The following IQCM variants were observed in gnomAD, a reference collection of about 807,000 sequenced individuals.
The protein encoded by IQCM is IQ domain-containing protein M.
Under a neutral mutation model 57.6 loss-of-function variants are expected in IQCM, and 45 were observed. The observed-to-expected ratio is 0.78, with a 90% CI of 0.62 to 1.00. The LOEUF is 1.00. IQCM is among the 50% of genes least tolerant of loss of function. The pLI is 0.00. For synonymous variants in IQCM, 148 were observed against 158.9 expected (o/e 0.93, Z 0.51); for missense variants, 468 against 511.6 (o/e 0.91, Z 0.82).
chr4:149,728,966 A>G (rs747869816), intron 5 of IQCM, among the ~76,000 whole-genome samples: 1 of 152,218 alleles, frequency 6.6e-6, no homozygotes, highest in Non-Finnish European at 1.5e-5. Flanking sequence ...AGTACAGAAG[A>G]TATCTCCATC....
intron 5 of IQCM, among the ~76,000 whole-genome samples, chr4:149,715,326 T>G (rs1391756170): frequency 6.6e-6 from 1 of 152,184 alleles, no homozygotes; most frequent in Non-Finnish European, 1.5e-5. Context: ...TAATGCTGGC[T>G]GTGGAGGGGT....
At chr4:149,438,807 AG>A (rs557088576) in intron 12 of IQCM, among the ~76,000 whole-genome samples, 244 of 152,178 alleles carry the variant, frequency 1.6e-3, no homozygotes, top group Non-Finnish European at 2.5e-3. Context: ...TTCAAAACCA[AG>A]GGACAAAATG....
intron 13 of IQCM, among the ~76,000 whole-genome samples, chr4:149,423,689 T>A (rs1300378231): frequency 6.6e-6 from 1 of 152,020 alleles, no homozygotes; most frequent in Admixed American, 6.6e-5. Context: ...GTTAATTATT[T>A]ATATATATCT....
intron 2 of IQCM, among the ~76,000 whole-genome samples, chr4:149,806,078 GA>G (rs1774052431): frequency 6.6e-6 from 1 of 151,528 alleles, no homozygotes; most frequent in East Asian, 1.9e-4. Flanking sequence ...TCTGCCAAAT[GA>G]AATAGAAACT....
chr4:149,644,080 C>G (rs1020214405), intron 7 of IQCM, among the ~76,000 whole-genome samples: 3 of 152,178 alleles, frequency 2.0e-5, no homozygotes, highest in Non-Finnish European at 4.4e-5. Context: ...TTAAGGCAAA[C>G]TGGGCCAGTT....
intron 10 of IQCM, 127 bp from the exon 11 acceptor site, chr4:149,553,414 T>A: frequency 1.4e-6 from 1 of 711,578 alleles, no homozygotes; most frequent in Admixed American, 4.3e-5. Flanking sequence ...ATTGCCTAGG[T>A]TGGCTAAATA....
intron 7 of IQCM, among the ~76,000 whole-genome samples, chr4:149,624,248 G>T (rs574512510): frequency 2.0e-5 from 3 of 152,006 alleles, no homozygotes; most frequent in Non-Finnish European, 4.4e-5. Flanking sequence ...CCATAAGAGT[G>T]AAAGGTCCCA....
chr4:149,803,106 A>G (rs2135194), intron 2 of IQCM, among the ~76,000 whole-genome samples: 75,998 of 151,710 alleles, frequency 0.5, 23,030 homozygotes, highest in African/African-American at 0.83. Flanking sequence ...ACTGAGGTTT[A>G]TACCCAAGCC....
chr4:149,512,703 T>A (rs1462908153), intron 12 of IQCM, among the ~76,000 whole-genome samples: 1 of 152,160 alleles, frequency 6.6e-6, no homozygotes, highest in Non-Finnish European at 1.5e-5. Flanking sequence ...TCTAAAATAT[T>A]GAGTAATTCC....
chr4:149,609,345 A>AT (rs1554007002), intron 8 of IQCM, among the ~76,000 whole-genome samples: 1 of 151,848 alleles, frequency 6.6e-6, no homozygotes, highest in Non-Finnish European at 1.5e-5. Context: ...TACTCAAACT[A>AT]TTTTTTTAAA....
chr4:149,619,656 A>G (rs1256310645), intron 8 of IQCM, among the ~76,000 whole-genome samples: 2 of 152,222 alleles, frequency 1.3e-5, no homozygotes, highest in African/African-American at 4.8e-5. Context: ...TTCAACAGGT[A>G]GATAAAAGAA....
chr4:149,702,626 TA>T (rs1268314851), intron 5 of IQCM, among the ~76,000 whole-genome samples: 2 of 151,900 alleles, frequency 1.3e-5, no homozygotes, highest in African/African-American at 2.4e-5. Flanking sequence ...GACCCACTGG[TA>T]AGCATGAAAG....
intron 12 of IQCM, among the ~76,000 whole-genome samples, chr4:149,518,736 A>T (rs1421241825): frequency 6.6e-6 from 1 of 152,212 alleles, no homozygotes; most frequent in African/African-American, 2.4e-5. Context: ...GACTCACAGA[A>T]TATTGTAAAG....
At chr4:149,372,340 A>T (rs1057092404) in intron 13 of IQCM, among the ~76,000 whole-genome samples, 1 of 152,180 alleles carries the variant, frequency 6.6e-6, no homozygotes, top group Non-Finnish European at 1.5e-5. Flanking sequence ...AGTTTTATGA[A>T]CAAAAATAAG....
At chr4:149,474,574 A>C (rs1739971262) in intron 12 of IQCM, among the ~76,000 whole-genome samples, 2 of 145,216 alleles carry the variant, frequency 1.4e-5, no homozygotes, top group South Asian at 4.3e-4. Flanking sequence ...AAAAAAGGCC[A>C]GGTGTGGTAG....
At chr4:149,496,071 G>A (rs1461344371) in intron 12 of IQCM, among the ~76,000 whole-genome samples, 6 of 152,106 alleles carry the variant, frequency 3.9e-5, no homozygotes, top group Non-Finnish European at 7.4e-5. Context: ...TTTGTACGGG[G>A]AAGTGGGCAT....
At chr4:149,375,513 A>G (rs935718614) in intron 13 of IQCM, among the ~76,000 whole-genome samples, 3 of 152,192 alleles carry the variant, frequency 2.0e-5, no homozygotes, top group Admixed American at 2.0e-4. Context: ...TTGTAAAAAT[A>G]TATGTGTATA....
intron 5 of IQCM, among the ~76,000 whole-genome samples, chr4:149,718,643 G>T (rs1765195153): frequency 6.6e-6 from 1 of 152,118 alleles, no homozygotes; most frequent in African/African-American, 2.4e-5. Flanking sequence ...TCACAGTTCT[G>T]GAGGCCAGCA....
chr4:149,505,024 A>G (rs938839323), intron 12 of IQCM, among the ~76,000 whole-genome samples: 6 of 152,104 alleles, frequency 3.9e-5, no homozygotes, highest in African/African-American at 1.4e-4. Flanking sequence ...CCCAACCTCT[A>G]GACCTGAGGA....
Sources: gnomAD v4.1 joint callset for allele counts (sites outside exome capture counted in the v4.1 genomes callset) on GRCh38, gnomAD v4.1.1 for gene constraint, MANE v1.5 for transcripts, NCBI Gene and HGNC (gene_info 2026-07-23, HGNC 2026-07-21) for gene names.